STAB1: variants seen among roughly 807,000 people sequenced by gnomAD.
The protein encoded by STAB1 is stabilin 1.
Under a neutral mutation model 332.4 loss-of-function variants are expected in STAB1, and 250 were observed. That is an observed-to-expected ratio of 0.75 (90% confidence interval 0.68 to 0.84). The LOEUF (loss-of-function observed/expected upper bound fraction) is 0.84. STAB1 is among the 40% of genes least tolerant of loss of function. STAB1 has a pLI of 0.00. For synonymous variants in STAB1, 1,475 were observed against 1,390.4 expected (o/e 1.06, Z -1.35); for missense variants, 3,249 against 3,489.7 (o/e 0.93, Z 1.74).
In STAB1 at chr3:52,495,436, T is replaced by G; in HGVS notation, c.23T>G (p.Leu8Arg). MAGPRGL[L>R]PLCLLAFCLA... Reference sequence around the variant, plus strand: ...GCCATGGCGGGGCCCCGGGGCCTCCTCCCACTCTGCCTCCTGGCCTTCTGC... The same window carrying G: ...GCCATGGCGGGGCCCCGGGGCCTCCGCCCACTCTGCCTCCTGGCCTTCTGC... Residue 8 changes from leucine to arginine, a missense_variant, in exon 1 of 69, where the codon CTC becomes CGC. Transcript: ENST00000321725. The G allele has an allele frequency of 1.5e-6, 2 of 1,342,542 alleles. No homozygotes were observed. The highest frequency in any genetic ancestry group is 1.9e-6 in the Non-Finnish European group (2 of 1,040,198). The allele number at this position is 1,342,542 out of a possible 1,614,324, so 83.2% of individuals were successfully genotyped here. A position where few individuals can be genotyped will look rare whatever the true frequency, so the allele number is the denominator to read the frequency against.
rs1708729708 is a variant in STAB1 at position 52,504,886 on chromosome 3, G to A, written c.1377+10G>A. 1 of 1,613,498 alleles carries A rather than the reference G, an allele frequency of 6.2e-7. No homozygotes were observed. Among genetic ancestry groups the A allele is most frequent in the African/African-American group, 1.3e-5 (1 of 74,918 alleles). ...CTTTAACCAATTCACGGTGAGGGAGGAGCCTCAGCCTGGGGACAAGAGGAG... is the reference window on the plus strand; with the variant it reads ...CTTTAACCAATTCACGGTGAGGGAGAAGCCTCAGCCTGGGGACAAGAGGAG... On this transcript the variant is annotated intron_variant, in intron 12 of 68. Transcript: ENST00000321725.
In STAB1 at chr3:52,522,867, G is replaced by C; in HGVS notation, c.6837G>C (p.Arg2279=). The change falls in exon 62 of 69, where the codon CGG becomes CGC. Residue 2279 remains arginine (R), a synonymous_variant. Transcript: ENST00000321725. ...VFPVADCGNG[R]VGIVSLGARK... is the part of the protein sequence containing the mutation. ...CTGTGGCGGACTGTGGCAATGGTCG[G>C]GTGGGCATAGTCAGCCTGGGTGCCC... 1 of 1,613,294 alleles carries C rather than the reference G, an allele frequency of 6.2e-7. No individual in the cohort carries two copies. Among genetic ancestry groups the C allele is most frequent in the Middle Eastern group, 1.6e-4 (1 of 6,062 alleles).
At chr3:52,521,300 G>T (rs13081028) in intron 55 of STAB1, 61 bp from the exon 56 acceptor site, 4 of 1,605,530 alleles carry the variant, frequency 2.5e-6, no homozygotes, top group African/African-American at 2.7e-5. Flanking sequence ...CTGGAGGTAC[G>T]TATATGGGGG....
Position 52,504,870 on chromosome 3 carries a change from A to G in STAB1, c.1371A>G (p.Gln457=). 2 of 1,613,584 alleles carry G rather than the reference A, an allele frequency of 1.2e-6. No individual in the cohort carries two copies. The highest frequency in any genetic ancestry group is 1.7e-6 in the Non-Finnish European group (2 of 1,180,002). Reference sequence around the variant, plus strand: ...AGGAGATCACCGTCACCTTTAACCAATTCACGGTGAGGGAGGAGCCTCAGC... The same window carrying G: ...AGGAGATCACCGTCACCTTTAACCAGTTCACGGTGAGGGAGGAGCCTCAGC... ...AGQEITVTFN[Q]FTKYSYKYKD... Residue 457 remains glutamine (Q), a synonymous_variant, in exon 12 of 69, where the codon CAA becomes CAG. Transcript: ENST00000321725.
Position 52,521,691 on chromosome 3 carries a change from G to T in STAB1, c.6154G>T (p.Val2052Leu), listed in dbSNP as rs773516907. ...DEGWTGPRCE[V>L]QLELQPVCTP... ...AGGCTGGACTGGGCCACGCTGTGAG[G>T]TGCAACTGGGTGAGTAGCCCCGTGC... Residue 2052 changes from valine to leucine, a missense_variant, in exon 57 of 69, where the codon GTG becomes TTG. Transcript: ENST00000321725. 3.7e-6 allele frequency: 6 copies of T among 1,612,748 alleles called. No homozygotes were observed. The Admixed American group carries it at 1.0e-4, about 27-fold the overall frequency.
chr3:52,515,249 G>A (rs1412967600), intron 36 of STAB1, among the ~76,000 whole-genome samples, 174 bp from the exon 37 acceptor site: 1 of 152,170 alleles, frequency 6.6e-6, no homozygotes, highest in African/African-American at 2.4e-5. Context: ...GCGGCCCGAG[G>A]CTTGGATCCT....
In STAB1 at chr3:52,502,737, G is replaced by T; in HGVS notation, c.583+10G>T. ...CCCCACTGTGATCAAGGTGAGCAGCGCCACTGGGATAGCCTAGGGCAGCAG... is the reference window on the plus strand; with the variant it reads ...CCCCACTGTGATCAAGGTGAGCAGCTCCACTGGGATAGCCTAGGGCAGCAG... On this transcript the variant is annotated intron_variant, in intron 6 of 68. Coordinates refer to ENST00000321725, the MANE Select transcript of STAB1 (RefSeq NM_015136.3). The T allele has an allele frequency of 1.2e-6, 2 of 1,611,694 alleles. No homozygotes were observed.
chr3:52,522,660 C>A lies in STAB1; in HGVS notation c.6716C>A (p.Ser2239Ter). Residue 2239 changes from serine (S) to a stop codon, truncating the protein, a stop_gained, in exon 61 of 69, where the codon TCA (serine) becomes TAA (stop). Transcript: ENST00000321725. LOFTEE classifies it high-confidence loss of function. The part of the protein sequence containing the change: ...ACEAQGAVLA[S>*]FPQLSAAQQL... ...GAAGCACAGGGAGCCGTCCTTGCTT[C>A]ATTCCCTCAGCTCTCTGCTGCCCAG... The A allele has an allele frequency of 6.2e-7, 1 of 1,612,964 alleles. No homozygotes were observed. Among genetic ancestry groups the A allele is most frequent in the Non-Finnish European group, 8.5e-7 (1 of 1,180,032 alleles).
rs148585452 is a variant in STAB1, at chr3:52,501,249, G to A, written c.162G>A (p.Thr54=). Residue 54 remains threonine (T), a synonymous_variant, in exon 2 of 69, where the codon ACG becomes ACA. Transcript: ENST00000321725. ...CGTGCGCGGCCATCAAGAAGCAGACGTGTCCCTCAGGCTGGCTGCGGGAGC... is the reference window on the plus strand; with the variant it reads ...CGTGCGCGGCCATCAAGAAGCAGACATGTCCCTCAGGCTGGCTGCGGGAGC... The part of the protein sequence containing the change: ...CTSCAAIKKQ[T]CPSGWLRELP... The A allele has an allele frequency of 1.2e-5, 20 of 1,613,654 alleles. No homozygotes were observed. Among genetic ancestry groups the A allele is most frequent in the African/African-American group, 9.3e-5 (7 of 74,954 alleles).
At chr3:52,511,950 C>G (rs1286904070) in intron 26 of STAB1, among the ~76,000 whole-genome samples, 1 of 152,218 alleles carries the variant, frequency 6.6e-6, no homozygotes, top group Non-Finnish European at 1.5e-5. Context: ...ACTCCTGCCC[C>G]ACTTCCACTG....
Position 52,506,819 on chromosome 3 carries a change from A to G in STAB1, c.1958A>G (p.His653Arg), listed in dbSNP as rs1248210972. 1 of 1,613,026 alleles carries G rather than the reference A, an allele frequency of 6.2e-7. No individual in the cohort carries two copies. Among genetic ancestry groups the G allele is most frequent in the African/African-American group, 1.3e-5 (1 of 74,938 alleles). The change falls in exon 18 of 69, where the codon CAC (histidine) becomes CGC (arginine). Residue 653 changes from histidine (H) to arginine (R), a missense_variant. Coordinates refer to ENST00000321725, the MANE Select transcript of STAB1 (RefSeq NM_015136.3). The stretch of plus-strand genomic sequence containing the variant: ...ACCATCCTGCCCATCCTGCCCAAGC[A>G]CTGCAGCGAGGAGCAGCACAAGATT... ...PPTILPILPKHCSEEQHKIVA... is the reference protein window; with the variant it reads ...PPTILPILPKRCSEEQHKIVA...
At chr3:52,496,942 T>C (rs1042348253) in intron 1 of STAB1, among the ~76,000 whole-genome samples, 7 of 152,192 alleles carry the variant, frequency 4.6e-5, no homozygotes, top group African/African-American at 1.4e-4. Flanking sequence ...TGTACTTGGG[T>C]TCAACCAACC....
Position 52,524,446 on chromosome 3 carries a change from C to T in STAB1, c.*90C>T, listed in dbSNP as rs780276794. The T allele has an allele frequency of 6.2e-7, 1 of 1,612,134 alleles. No homozygotes were observed. ...GGATGGGGCAGGAGGGGCTGAGGGC[C>T]TGTCCCAGACAATAAAGGTGCCCTC... is the stretch of plus-strand genomic sequence containing the variant. On this transcript the variant is annotated 3_prime_UTR_variant, in exon 69 of 69. Transcript: ENST00000321725.
In STAB1 at chr3:52,510,166, G is replaced by A. The variant is rs778098745; in HGVS notation, c.2559G>A (p.Glu853=). 7.4e-6 allele frequency: 12 copies of A among 1,613,866 alleles called. No homozygotes were observed. In the African/African-American group the frequency reaches 1.5e-4, roughly 20 times the overall value. ...GATGTCGCTGTCTTGATGGCTTTGA[G>A]GGTGATGGCTTCTCCTGCACACCTA... ...VARCRCLDGF[E]GDGFSCTPSN... is the part of the protein sequence containing the mutation. Residue 853 remains glutamate, a synonymous_variant, in exon 24 of 69, where the codon GAG becomes GAA. Transcript: ENST00000321725.
chr3:52,504,258 G>A, intron 10 of STAB1, 103 bp downstream of exon 10: 1 of 1,506,110 alleles, frequency 6.6e-7, no homozygotes, highest in Non-Finnish European at 8.9e-7. Context: ...TCTGCCCAGG[G>A]CTGTGGGAAC....
chr3:52,521,005 G>A lies in STAB1; in HGVS notation c.5908G>A (p.Ala1970Thr). ...TGGTCACTATGGCAGTGAGTGCCAA[G>A]GTGAGCATTGCAGACACTGTTGACT... ...CPGHYGSECQ[A>T]CPGGPSSPCS... The change falls in exon 55 of 69, where the codon GCT becomes ACT. Residue 1970 changes from alanine to threonine, a missense_variant and splice_region_variant. Transcript: ENST00000321725. The A allele has an allele frequency of 6.5e-7, 1 of 1,537,854 alleles. No homozygotes were observed. Among genetic ancestry groups the A allele is most frequent in the East Asian group, 2.3e-5 (1 of 44,258 alleles).
At chr3:52,515,871 G>A (rs2078843843) in intron 37 of STAB1, among the ~76,000 whole-genome samples, 172 bp from the exon 38 acceptor site, 1 of 152,146 alleles carries the variant, frequency 6.6e-6, no homozygotes, top group Non-Finnish European at 1.5e-5. Flanking sequence ...CCAGAGGGAG[G>A]GTTTTAGGAG....
Position 52,507,664 on chromosome 3 carries a change from A to G in STAB1, c.2041A>G (p.Ser681Gly). 6.2e-7 allele frequency: 1 copy of G among 1,613,596 alleles called. No individual in the cohort carries two copies. The highest frequency in any genetic ancestry group is 8.5e-7 in the Non-Finnish European group (1 of 1,179,996). ...GAACACCAGCACGTGTCCCCCCAACAGTGTGAAGCTGGTGAGCACACCTTG... is the reference window on the plus strand; with the variant it reads ...GAACACCAGCACGTGTCCCCCCAACGGTGTGAAGCTGGTGAGCACACCTTG... ...ALNTSTCPPN[S>G]VKLDIFPKEC... Residue 681 changes from serine (S) to glycine (G), a missense_variant, in exon 19 of 69, where the codon AGT becomes GGT. Physicochemically the swap from Ser to Gly is moderately conservative, Grantham distance 56 (BLOSUM62 0). Transcript: ENST00000321725.
Position 52,510,498 on chromosome 3 carries a change from C to T in STAB1, c.2778C>T (p.Gly926=), listed in dbSNP as rs751227441. ...CCGATGCCCTCTGCAGCTATGTGGG[C>T]CCCGGGCAGGTGAGGTGCAGCAGAG... The part of the protein sequence containing the change: ...CHTDALCSYV[G]PGQSRCTCKL... The change falls in exon 25 of 69, where the codon GGC becomes GGT. Residue 926 remains glycine (G), a synonymous_variant. Transcript: ENST00000321725. The T allele has an allele frequency of 6.2e-7, 1 of 1,612,698 alleles. No homozygotes were observed. Among genetic ancestry groups the T allele is most frequent in the South Asian group, 1.1e-5 (1 of 90,942 alleles).
Sources: gnomAD v4.1 joint callset for allele counts (sites outside exome capture counted in the v4.1 genomes callset) on GRCh38, gnomAD v4.1.1 for gene constraint, MANE v1.5 for transcripts, NCBI Gene and HGNC (gene_info 2026-07-23, HGNC 2026-07-21) for gene names.